PCDH11X: variants seen among roughly 807,000 people sequenced by gnomAD.
The protein encoded by PCDH11X is protocadherin 11 X-linked, also known as protocadherin-11 X-linked.
PCDH11X carries 18 observed loss-of-function variants against 53.3 expected under a neutral mutation model. That is an observed-to-expected ratio of 0.34 (90% CI 0.23 to 0.50). The LOEUF (loss-of-function observed/expected upper bound fraction) is 0.50. Among genes scored for constraint, PCDH11X ranks in the 20% least tolerant of loss-of-function variants. The probability of loss-of-function intolerance (pLI) is 0.98; values close to 1 mark genes in which losing one functional copy is unlikely to be tolerated. For synonymous variants in PCDH11X, 279 were observed against 393.3 expected (o/e 0.71, Z 3.44); for missense variants, 570 against 1,032.4 (o/e 0.55, Z 6.14).
At chrX:92,326,639 T>TATATATATATATATATATATATATAGAG (rs758088746) in intron 8 of PCDH11X, among the ~76,000 whole-genome samples, 1 of 39,313 alleles carries the variant, frequency 2.5e-5, no homozygotes, top group African/African-American at 1.7e-4. Flanking sequence ...TATATATATA[T>TATATATATATATATATATATATATAGAG]AGAGAGAGAG....
chrX:92,068,867 G>T (rs930999923), intron 6 of PCDH11X, among the ~76,000 whole-genome samples: 14 of 110,803 alleles, frequency 1.3e-4, no homozygotes, highest in African/African-American at 4.6e-4. Flanking sequence ...TCAATTTTTT[G>T]AATGTTTTAA....
chrX:92,453,585 G>A (rs2072847301), intron 9 of PCDH11X, among the ~76,000 whole-genome samples: 2 of 110,469 alleles, frequency 1.8e-5, no homozygotes, highest in Non-Finnish European at 3.8e-5. Context: ...TGAGATTATG[G>A]GTTTTTTTCT....
intron 10 of PCDH11X, among the ~76,000 whole-genome samples, chrX:92,494,476 G>A (rs951537806): frequency 9.2e-5 from 10 of 109,037 alleles, no homozygotes; most frequent in African/African-American, 2.7e-4. Flanking sequence ...GTATGTCAGC[G>A]GGGCTGTCAT....
rs746481727 is a variant in PCDH11X, at chrX:92,072,205, C to A, written c.3034-129170C>A. ...CTTTATGGCAATGGACTCCCTCTGGCCAAGGGCATGTCTAGAAATGCTGTC... is the reference window on the plus strand; with the variant it reads ...CTTTATGGCAATGGACTCCCTCTGGACAAGGGCATGTCTAGAAATGCTGTC... On this transcript the variant is annotated intron_variant, in intron 6 of 10. Coordinates refer to ENST00000682573, the MANE Select transcript of PCDH11X (RefSeq NM_032968.5). 2.7e-5 allele frequency among the ~76,000 whole-genome samples: 3 copies of A among 110,541 alleles called. No homozygotes were observed. In the South Asian group the frequency reaches 1.2e-3, roughly 43 times the overall value.
intron 6 of PCDH11X, among the ~76,000 whole-genome samples, chrX:91,973,997 T>C (rs2062011389): frequency 1.8e-5 from 2 of 111,119 alleles, no homozygotes; most frequent in Admixed American, 1.9e-4. Context: ...ACCTTTATAT[T>C]GGGTTTATTT....
chrX:92,613,285 C>T (rs1244216601), intron 10 of PCDH11X, among the ~76,000 whole-genome samples: 1 of 110,993 alleles, frequency 9.0e-6, no homozygotes, highest in Non-Finnish European at 1.9e-5. Context: ...ATAAGGCTGG[C>T]CTGATGGTAA....
At chrX:92,412,509 GTATATATA>G (rs748836273) in intron 9 of PCDH11X, among the ~76,000 whole-genome samples, 2,977 of 64,112 alleles carry the variant, frequency 0.046, 72 homozygotes, top group African/African-American at 0.07. Context: ...AAAGAAAATA[GTATATATA>G]TATATATATA....
intron 10 of PCDH11X, among the ~76,000 whole-genome samples, chrX:92,542,528 A>G (rs1423115446): frequency 1.8e-5 from 2 of 110,908 alleles, no homozygotes; most frequent in Admixed American, 1.9e-4. Flanking sequence ...TTTTTTCCCA[A>G]GAGTTTATAA....
At chrX:91,973,738 C>T (rs1414375722) in intron 6 of PCDH11X, among the ~76,000 whole-genome samples, 1 of 104,679 alleles carries the variant, frequency 9.6e-6, no homozygotes, top group Non-Finnish European at 2.0e-5. Context: ...CCTCAGACTC[C>T]CAAGTAGCTG....
At chrX:92,278,936 C>T (rs1043419292) in intron 8 of PCDH11X, among the ~76,000 whole-genome samples, 5 of 108,242 alleles carry the variant, frequency 4.6e-5, no homozygotes, top group Non-Finnish European at 9.6e-5. Flanking sequence ...CTTAGCCTTC[C>T]GAGTAGCTGG....
chrX:92,228,968 G>A (rs1324967067), intron 7 of PCDH11X, among the ~76,000 whole-genome samples: 1 of 111,327 alleles, frequency 9.0e-6, no homozygotes, highest in East Asian at 2.8e-4. Flanking sequence ...GATACTCAAA[G>A]AGTATTTCTT....
chrX:92,335,153 TATTTTCCCAACATTGG>T (rs2069587863), intron 8 of PCDH11X, among the ~76,000 whole-genome samples: 1 of 110,350 alleles, frequency 9.1e-6, no homozygotes, highest in Non-Finnish European at 1.9e-5. Flanking sequence ...GACAAGGAAT[TATTTTCCCAACATTGG>T]ATGCATGGAA....
intron 8 of PCDH11X, among the ~76,000 whole-genome samples, chrX:92,348,602 T>A (rs1436102878): frequency 7.4e-5 from 8 of 108,568 alleles, no homozygotes; most frequent in Admixed American, 6.9e-4. Context: ...AATGGTGTGA[T>A]CTCGGCTCAC....
At chrX:92,516,690 A>T (rs2074276120) in intron 10 of PCDH11X, among the ~76,000 whole-genome samples, 1 of 112,227 alleles carries the variant, frequency 8.9e-6, no homozygotes. Flanking sequence ...TTTGCATTAT[A>T]TTTATAGAGG....
intron 7 of PCDH11X, among the ~76,000 whole-genome samples, chrX:92,253,178 G>A (rs2067494170): frequency 8.9e-6 from 1 of 111,735 alleles, no homozygotes; most frequent in African/African-American, 3.3e-5. Context: ...AGCTTTCCCA[G>A]CACCATTTAT....
chrX:92,175,844 C>T (rs898545417), intron 6 of PCDH11X, among the ~76,000 whole-genome samples: 1 of 104,158 alleles, frequency 9.6e-6, no homozygotes, highest in Non-Finnish European at 2.0e-5. Context: ...ATTCCTTAGG[C>T]GTTCACCCAC....
chrX:92,104,362 G>A (rs1602932753), intron 6 of PCDH11X, among the ~76,000 whole-genome samples: 2 of 110,613 alleles, frequency 1.8e-5, no homozygotes, highest in East Asian at 2.9e-4. Flanking sequence ...GTACTGAGGG[G>A]ACAGGCGGGA....
chrX:91,890,160 T>A (rs749267192), intron 6 of PCDH11X, among the ~76,000 whole-genome samples: 1 of 110,080 alleles, frequency 9.1e-6, no homozygotes, highest in South Asian at 3.9e-4. Context: ...TTAAAATGGG[T>A]TAGTGTATGT....
chrX:92,618,912 C>A lies in PCDH11X; in HGVS notation c.4016C>A (p.Ser1339Tyr). 8.3e-7 allele frequency: 1 copy of A among 1,211,800 alleles called. No individual in the cohort carries two copies. Among genetic ancestry groups the A allele is most frequent in the Non-Finnish European group, 1.1e-6 (1 of 895,437 alleles). Residue 1339 changes from serine to tyrosine, a missense_variant, in exon 11 of 11, where the codon TCC becomes TAC. Physicochemically the swap from Ser to Tyr is moderately radical, Grantham distance 144. Around this residue, in one of 6 missense-constraint regions of PCDH11X, gnomAD observed 234 missense variants for 296.1 expected, o/e 0.79. Coordinates refer to ENST00000682573, the MANE Select transcript of PCDH11X (RefSeq NM_032968.5). ...RQQARPSRGD[S>Y]PIMEEHPL ...CAGGCCAGACCGTCCAGAGGTGATTCCCCCATTATGGAAGAACATCCCTTG... is the reference window on the plus strand; with the variant it reads ...CAGGCCAGACCGTCCAGAGGTGATTACCCCATTATGGAAGAACATCCCTTG...
Sources: gnomAD v4.1 joint callset for allele counts (sites outside exome capture counted in the v4.1 genomes callset) on GRCh38, gnomAD v4.1.1 for gene constraint, gnomAD v4.1.1 regional missense constraint, MANE v1.5 for transcripts, NCBI Gene and HGNC (gene_info 2026-07-23, HGNC 2026-07-21) for gene names.